The following GALNT17 variants were observed in gnomAD, a reference collection of about 807,000 sequenced individuals.
The protein encoded by GALNT17 is polypeptide N-acetylgalactosaminyltransferase 17, also known as UDP-GalNAc:polypeptide N-acetylgalactosaminyltransferase-like 3.
In GALNT17, 29 loss-of-function variants were observed where a neutral mutation model predicts 63.7. The observed-to-expected ratio is 0.46, with a 90% CI of 0.34 to 0.62. The LOEUF is 0.62. GALNT17 is among the 20% of genes least tolerant of loss of function. GALNT17 has a pLI of 0.01. For missense variants in GALNT17, 603 were observed against 799.6 expected (o/e 0.75, Z 2.97); for synonymous variants, 305 against 318.3 (o/e 0.96, Z 0.45).
At chr7:71,233,097 A>G (rs992627344) in intron 1 of GALNT17, among the ~76,000 whole-genome samples, 6 of 152,168 alleles carry the variant, frequency 3.9e-5, no homozygotes, top group African/African-American at 1.4e-4. Context: ...ACCAACCCGG[A>G]AGAAAGCCAT....
intron 1 of GALNT17, among the ~76,000 whole-genome samples, chr7:71,248,269 G>GA (rs1471823113): frequency 1.3e-5 from 2 of 152,260 alleles, no homozygotes; most frequent in African/African-American, 4.8e-5. Context: ...CAGCATAGAG[G>GA]AAACTCCCAT....
In GALNT17 at chr7:71,141,107, G is replaced by A. The variant is rs141373658; in HGVS notation, c.238+8067G>A. Among the ~76,000 whole-genome samples, 790 of 151,938 alleles carry A rather than the reference G, an allele frequency of 5.2e-3. 10 individuals are homozygous for A. Among genetic ancestry groups the A allele is most frequent in the African/African-American group, 0.018 (750 of 41,426 alleles). ...CTCAGGGCCAGGCGTGGTGACTCAC[G>A]CCTGTAATCCCAGCACTTTGGGAGG... On this transcript the variant is annotated intron_variant, in intron 1 of 10. Coordinates refer to ENST00000333538, the MANE Select transcript of GALNT17 (RefSeq NM_022479.3).
At chr7:71,222,885 A>G (rs1369294536) in intron 1 of GALNT17, among the ~76,000 whole-genome samples, 3 of 152,110 alleles carry the variant, frequency 2.0e-5, no homozygotes, top group Non-Finnish European at 4.4e-5. Flanking sequence ...AGCCTGGACA[A>G]CATAGCCAGA....
intron 6 of GALNT17, among the ~76,000 whole-genome samples, chr7:71,644,923 G>A (rs1790654011): frequency 6.6e-6 from 1 of 152,168 alleles, no homozygotes; most frequent in African/African-American, 2.4e-5. Context: ...AGCCTTCCTG[G>A]TGGTCATTCA....
chr7:71,538,189 C>T (rs892459967), intron 5 of GALNT17, among the ~76,000 whole-genome samples: 5 of 152,130 alleles, frequency 3.3e-5, no homozygotes, highest in East Asian at 1.9e-4. Flanking sequence ...TAGAACACTT[C>T]GAGTGGTTAA....
At chr7:71,154,423 TAC>T (rs1284558375) in intron 1 of GALNT17, among the ~76,000 whole-genome samples, 2 of 152,150 alleles carry the variant, frequency 1.3e-5, no homozygotes, top group African/African-American at 2.4e-5. Context: ...GGAAAATAAG[TAC>T]AGTCATTGTT....
Position 71,622,998 on chromosome 7 carries a change from T to A in GALNT17, c.1081-42413T>A, listed in dbSNP as rs1790318824. 2.6e-5 allele frequency among the ~76,000 whole-genome samples: 4 copies of A among 152,304 alleles called. No homozygotes were observed. The South Asian group carries it at 8.3e-4, about 32-fold the overall frequency. ...TCTTATGCTCTTCAAGTTGTCAAGT[T>A]GTTTCCTCTGAATGACTGTGGTATT... On this transcript the variant is annotated intron_variant, in intron 6 of 10. Transcript: ENST00000333538.
intron 9 of GALNT17, among the ~76,000 whole-genome samples, chr7:71,701,631 G>A (rs1018046708): frequency 2.6e-5 from 4 of 151,386 alleles, no homozygotes; most frequent in African/African-American, 7.3e-5. Context: ...GCCTGCACTT[G>A]TATGTTCATC....
At chr7:71,307,993 C>A (rs1252250030) in intron 1 of GALNT17, among the ~76,000 whole-genome samples, 2 of 151,816 alleles carry the variant, frequency 1.3e-5, no homozygotes, top group African/African-American at 4.8e-5. Flanking sequence ...TGGGACGTGC[C>A]TCATTGAGCC....
chr7:71,566,917 GCCT>G (rs1377008705), intron 5 of GALNT17, among the ~76,000 whole-genome samples: 2 of 152,080 alleles, frequency 1.3e-5, no homozygotes, highest in Non-Finnish European at 1.5e-5. Context: ...TTGTACATCT[GCCT>G]CCTCCTTCTG....
chr7:71,324,067 T>C (rs1298063141), intron 1 of GALNT17, among the ~76,000 whole-genome samples: 2 of 151,912 alleles, frequency 1.3e-5, no homozygotes, highest in Non-Finnish European at 2.9e-5. Flanking sequence ...CAGAGGAAGG[T>C]TTGGGTACCT....
chr7:71,438,940 A>G (rs867921497), intron 5 of GALNT17, among the ~76,000 whole-genome samples: 2 of 149,200 alleles, frequency 1.3e-5, no homozygotes, highest in African/African-American at 5.0e-5. Flanking sequence ...GCTGGAGTGC[A>G]GTGATGTGAT....
intron 5 of GALNT17, among the ~76,000 whole-genome samples, chr7:71,462,415 CAG>C (rs1048745558): frequency 6.6e-6 from 1 of 152,142 alleles, no homozygotes; most frequent in Non-Finnish European, 1.5e-5. Flanking sequence ...AGCTAAGTAG[CAG>C]AGTGACAGGG....
intron 9 of GALNT17, among the ~76,000 whole-genome samples, chr7:71,701,909 A>G (rs1366832128): frequency 7.1e-5 from 9 of 126,152 alleles, no homozygotes; most frequent in Admixed American, 1.7e-4. Context: ...ATATATATAT[A>G]TACATATATA....
intron 3 of GALNT17, among the ~76,000 whole-genome samples, chr7:71,397,258 G>A (rs560459470): frequency 5.6e-4 from 86 of 152,242 alleles, no homozygotes; most frequent in African/African-American, 2.0e-3. Flanking sequence ...TAAGTCATGA[G>A]TGAGCTCAGT....
At chr7:71,304,223 C>G (rs573044374) in intron 1 of GALNT17, among the ~76,000 whole-genome samples, 1 of 152,314 alleles carries the variant, frequency 6.6e-6, no homozygotes, top group Admixed American at 6.5e-5. Context: ...TGCATTTGTT[C>G]TTTTACCCAA....
chr7:71,324,061 G>A (rs182331417), intron 1 of GALNT17, among the ~76,000 whole-genome samples: 4 of 152,284 alleles, frequency 2.6e-5, no homozygotes, highest in Admixed American at 6.5e-5. Context: ...AACCATCAGA[G>A]GAAGGTTTGG....
At chr7:71,585,937 G>A (rs1789711356) in intron 6 of GALNT17, among the ~76,000 whole-genome samples, 1 of 140,024 alleles carries the variant, frequency 7.1e-6, no homozygotes, top group South Asian at 2.4e-4. Context: ...TTGAGAAGGA[G>A]TCTTGCTCTG....
In GALNT17 at chr7:71,140,670, C is replaced by G. The variant is rs145630527; in HGVS notation, c.238+7630C>G. Among the ~76,000 whole-genome samples, 843 of 152,282 alleles carry G rather than the reference C, an allele frequency of 5.5e-3. 12 individuals carry two copies. Among genetic ancestry groups the G allele is most frequent in the African/African-American group, 0.019 (796 of 41,556 alleles). On this transcript the variant is annotated intron_variant, in intron 1 of 10. Transcript: ENST00000333538. ...CAGGAAGTTGGAACATGAGCACACC[C>G]AAGCCCAAGGCCAGCGAAGAAACAA...
Sources: gnomAD v4.1 joint callset for allele counts (sites outside exome capture counted in the v4.1 genomes callset) on GRCh38, gnomAD v4.1.1 for gene constraint, MANE v1.5 for transcripts, NCBI Gene and HGNC (gene_info 2026-07-23, HGNC 2026-07-21) for gene names.